The following GAPVD1 variants were observed in gnomAD, a reference collection of about 807,000 sequenced individuals.
The protein encoded by GAPVD1 is GTPase activating protein and VPS9 domains 1.
Under a neutral mutation model 155.5 loss-of-function variants are expected in GAPVD1, and 35 were observed. The ratio of observed to expected loss-of-function variants is 0.23; its 90% CI spans 0.17 to 0.30. The LOEUF is 0.30. Ranked by LOEUF, GAPVD1 falls within the 10% of genes least tolerant of loss-of-function variation. GAPVD1 has a pLI of 1.00. For missense variants in GAPVD1, 1,429 were observed against 1,775.7 expected (o/e 0.80, Z 3.51); for synonymous variants, 636 against 619.7 (o/e 1.03, Z -0.39).
chr9:125,322,616 G>T (rs1444795475), intron 10 of GAPVD1, among the ~76,000 whole-genome samples: 1 of 151,976 alleles, frequency 6.6e-6, no homozygotes, highest in African/African-American at 2.4e-5. Context: ...TAATAATATG[G>T]CATTAACATT....
chr9:125,338,910 TTCTG>T (rs985405192), intron 17 of GAPVD1, among the ~76,000 whole-genome samples: 4 of 151,518 alleles, frequency 2.6e-5, no homozygotes, highest in Admixed American at 6.6e-5. Flanking sequence ...TCTCATGGTT[TTCTG>T]TCTTTTAAAA....
intron 10 of GAPVD1, among the ~76,000 whole-genome samples, chr9:125,322,356 G>A (rs565161760): frequency 4.6e-5 from 7 of 152,030 alleles, no homozygotes; most frequent in African/African-American, 4.8e-5. Flanking sequence ...GAGCCACCGC[G>A]CCTGGCCCCG....
intron 13 of GAPVD1, among the ~76,000 whole-genome samples, chr9:125,331,385 G>A (rs1427475481): frequency 1.3e-5 from 2 of 152,054 alleles, no homozygotes; most frequent in African/African-American, 2.4e-5. Flanking sequence ...ATTTTTAGTA[G>A]AGATGGGATT....
intron 2 of GAPVD1, among the ~76,000 whole-genome samples, chr9:125,294,348 CTTT>C (rs1236573488): frequency 7.8e-6 from 1 of 127,936 alleles, no homozygotes; most frequent in Non-Finnish European, 1.7e-5. Context: ...GCCAAAATGG[CTTT>C]TTTTTTTTTT....
intron 2 of GAPVD1, among the ~76,000 whole-genome samples, chr9:125,289,682 C>T (rs548638109): frequency 6.6e-6 from 1 of 152,172 alleles, no homozygotes; most frequent in African/African-American, 2.4e-5. Context: ...GCGTATTAGA[C>T]AACCCAAGGG....
intron 11 of GAPVD1, among the ~76,000 whole-genome samples, chr9:125,324,210 A>C (rs1450576899): frequency 6.6e-6 from 1 of 152,218 alleles, no homozygotes; most frequent in Non-Finnish European, 1.5e-5. Context: ...CAAGGAACTT[A>C]GAATAGGGAA....
rs141406948 is a variant in GAPVD1, at chr9:125,299,666, A to C, written c.185+560A>C. On this transcript the variant is annotated intron_variant, in intron 4 of 27. Coordinates refer to ENST00000297933, the MANE Select transcript of GAPVD1 (RefSeq NM_001282680.3). ...CGAGACTCTGTCTCCTCAAAAGAAAAAAAAAATGTTGTTGTAGAGAGTAAA... is the reference window on the plus strand; with the variant it reads ...CGAGACTCTGTCTCCTCAAAAGAAACAAAAAATGTTGTTGTAGAGAGTAAA... Among the ~76,000 whole-genome samples the C allele has an allele frequency of 7.7e-3, 1,162 of 150,934 alleles. 5 individuals are homozygous for C. Among genetic ancestry groups the C allele is most frequent in the Non-Finnish European group, 0.011 (765 of 67,774 alleles).
intron 9 of GAPVD1, among the ~76,000 whole-genome samples, chr9:125,319,425 G>A (rs184698251): frequency 1.1e-3 from 160 of 141,684 alleles, no homozygotes; most frequent in African/African-American, 4.1e-3. Context: ...TTTTTTTTGA[G>A]ATGGAATCTC....
Position 125,307,709 on chromosome 9 carries a change from G to A in GAPVD1, c.1270G>A (p.Val424Met), listed in dbSNP as rs1842076328. 2 of 1,613,846 alleles carry A rather than the reference G, an allele frequency of 1.2e-6. No individual in the cohort carries two copies. The highest frequency in any genetic ancestry group is 8.5e-7 in the Non-Finnish European group (1 of 1,179,718). The part of the protein sequence containing the change: ...LITLVNFMKS[V>M]MSGDQLREDR... ...TTGCCAGGTGAATTTTATGAAGAGT[G>A]TGATGTCTGGAGATCAACTGAGAGA... The change falls in exon 8 of 28, where the codon GTG (valine) becomes ATG (methionine). Residue 424 changes from valine to methionine, a missense_variant. Physicochemically the swap from Val to Met is conservative, Grantham distance 21 (BLOSUM62 1). Coordinates refer to ENST00000297933, the MANE Select transcript of GAPVD1 (RefSeq NM_001282680.3).
At position 125,307,810 on chromosome 9, in the gene GAPVD1, G is replaced by A. The variant is rs377759333; in HGVS notation, c.1371G>A (p.Met457Ile). The A allele has an allele frequency of 4.2e-5, 68 of 1,613,448 alleles. No individual in the cohort carries two copies. Among genetic ancestry groups the A allele is most frequent in the Non-Finnish European group, 5.5e-5 (65 of 1,179,540 alleles). Residue 457 changes from methionine to isoleucine, a missense_variant, in exon 8 of 28, where the codon ATG becomes ATA. By Grantham distance (10) the Met-to-Ile change is conservative. Coordinates refer to ENST00000297933, the MANE Select transcript of GAPVD1 (RefSeq NM_001282680.3). ...AKPGKSSSLE[M>I]TPYNTPQLSP... ...CAGGAAAAAGTAGCAGTTTAGAAAT[G>A]ACTCCCTACAATACACCTCAGCTAT...
At position 125,291,319 on chromosome 9, in the gene GAPVD1, T is replaced by G. The variant is rs546894659; in HGVS notation, c.-149-4139T>G. On this transcript the variant is annotated intron_variant, in intron 2 of 27. Transcript: ENST00000297933. ...AAAAAAAAGGATACTAGCGTTGTCA[T>G]GTGTGTGTGTTTCCCCAGCTACATG... 3.3e-5 allele frequency among the ~76,000 whole-genome samples: 5 copies of G among 151,366 alleles called. No individual in the cohort carries two copies. The East Asian group carries it at 9.6e-4, about 29-fold the overall frequency.
intron 9 of GAPVD1, among the ~76,000 whole-genome samples, chr9:125,313,827 C>T (rs144412881): frequency 5.6e-4 from 86 of 152,362 alleles, no homozygotes; most frequent in African/African-American, 1.9e-3. Context: ...TCTCGAACTT[C>T]TGACCTCCAG....
intron 6 of GAPVD1, among the ~76,000 whole-genome samples, 153 bp downstream of exon 6, chr9:125,305,302 C>T (rs888355591): frequency 6.6e-6 from 1 of 151,954 alleles, no homozygotes; most frequent in Non-Finnish European, 1.5e-5. Context: ...GATTAATTCC[C>T]ACAGATGTAT....
chr9:125,281,147 A>T (rs1836724293), intron 2 of GAPVD1, among the ~76,000 whole-genome samples: 1 of 152,192 alleles, frequency 6.6e-6, no homozygotes, highest in African/African-American at 2.4e-5. Context: ...CTGGAATGTC[A>T]TATGGGAGCC....
At chr9:125,341,431 G>C (rs1847837067) in intron 18 of GAPVD1, 167 bp downstream of exon 18, 2 of 543,672 alleles carry the variant, frequency 3.7e-6, no homozygotes, top group Non-Finnish European at 3.2e-6. Flanking sequence ...TGCTAAGGCA[G>C]AGCTTTAGAA....
intron 27 of GAPVD1, among the ~76,000 whole-genome samples, chr9:125,361,473 G>A (rs117571789): frequency 0.019 from 2,830 of 150,514 alleles, 116 homozygotes; most frequent in East Asian, 0.089. Flanking sequence ...GTAGTGAGCC[G>A]AGATCACACT....
Position 125,299,114 on chromosome 9 carries a change from G to A in GAPVD1, c.185+8G>A, listed in dbSNP as rs200382326. ...TCGGCTTATCATAACCAGGTAAAGA[G>A]ATGATTTTCAGGTTTTAAGTTTTGT... On this transcript the variant is annotated splice_region_variant and intron_variant, in intron 4 of 27. Coordinates refer to ENST00000297933, the MANE Select transcript of GAPVD1 (RefSeq NM_001282680.3). The A allele has an allele frequency of 6.6e-7, 1 of 1,520,230 alleles. No homozygotes were observed. Among genetic ancestry groups the A allele is most frequent in the Admixed American group, 2.1e-5 (1 of 47,820 alleles). 94.2% of individuals were successfully genotyped at this position (1,520,230 alleles called of 1,614,324 possible). A position where few individuals can be genotyped will look rare whatever the true frequency, so the allele number is the denominator to read the frequency against.
intron 6 of GAPVD1, among the ~76,000 whole-genome samples, chr9:125,305,591 G>C (rs940457130): frequency 6.6e-6 from 1 of 152,044 alleles, no homozygotes; most frequent in Non-Finnish European, 1.5e-5. Context: ...GGCTGGTCTT[G>C]AACTCATGGC....
intron 20 of GAPVD1, among the ~76,000 whole-genome samples, chr9:125,349,175 C>G (rs1848949565): frequency 6.6e-6 from 1 of 152,114 alleles, no homozygotes; most frequent in Admixed American, 6.5e-5. Context: ...GAAGTAAAAC[C>G]ACTCTCTTCT....
Sources: gnomAD v4.1 joint callset for allele counts (sites outside exome capture counted in the v4.1 genomes callset) on GRCh38, gnomAD v4.1.1 for gene constraint, MANE v1.5 for transcripts, NCBI Gene and HGNC (gene_info 2026-07-23, HGNC 2026-07-21) for gene names.